The following NIPSNAP2 variants were observed in gnomAD, a reference collection of about 807,000 sequenced individuals.
NIPSNAP2 encodes the protein protein NipSnap homolog 2.
In NIPSNAP2, 42 loss-of-function variants were observed where a neutral mutation model predicts 48.4. That is an observed-to-expected ratio of 0.87 (90% CI 0.68 to 1.12). NIPSNAP2 has a LOEUF of 1.12. Ranked by LOEUF, NIPSNAP2 falls within the 50% of genes most tolerant of loss-of-function variation. The probability of loss-of-function intolerance (pLI) is 0.00; values close to 1 mark genes in which losing one functional copy is unlikely to be tolerated. For synonymous variants in NIPSNAP2, 158 were observed against 126.6 expected, an observed-to-expected ratio of 1.25 and a Z score of -1.67; for missense variants, 314 against 347.3, an observed-to-expected ratio of 0.90 and a Z score of 0.76.
rs1787636927 is a variant in NIPSNAP2 at position 55,999,490 on chromosome 7, A to G, written c.*418A>G. On this transcript the variant is annotated 3_prime_UTR_variant, in exon 10 of 10. Coordinates refer to ENST00000322090, the MANE Select transcript of NIPSNAP2 (RefSeq NM_001483.3). ...TTTAGACAAATTTCTTGTATCAGGA[A>G]GAAATACAAATTTTGTCATGTTTCT... 6.4e-6 allele frequency: 1 copy of G among 157,038 alleles called. No individual in the cohort carries two copies. The highest frequency in any genetic ancestry group is 1.4e-5 in the Non-Finnish European group (1 of 71,160). The allele number at this position is 157,038 out of a possible 1,614,324, so 9.7% of individuals were successfully genotyped here. A position where few individuals can be genotyped will look rare whatever the true frequency, so the allele number is the denominator to read the frequency against.
intron 1 of NIPSNAP2, chr7:55,964,931 G>T: frequency 5.1e-6 from 1 of 197,000 alleles, no homozygotes; most frequent in Admixed American, 6.0e-5. Flanking sequence ...CTCCACCCTC[G>T]CCCGGGAAGG....
intron 1 of NIPSNAP2, among the ~76,000 whole-genome samples, chr7:55,970,346 T>TG (rs1786994760): frequency 2.6e-5 from 4 of 151,214 alleles, no homozygotes; most frequent in Non-Finnish European, 5.9e-5. Flanking sequence ...TCTTGCACTC[T>TG]TGCCCAGGCT....
At chr7:55,964,767 T>C in intron 1 of NIPSNAP2, 66 bp downstream of exon 1, 1 of 848,080 alleles carries the variant, frequency 1.2e-6, no homozygotes. Context: ...GGGCGCGGGT[T>C]TCCCGGCGCC....
intron 6 of NIPSNAP2, 25 bp from the exon 7 acceptor site, chr7:55,984,822 A>T (rs927006179): frequency 5.0e-6 from 8 of 1,603,544 alleles, no homozygotes; most frequent in African/African-American, 1.3e-5. Flanking sequence ...AAGAACTAAC[A>T]AACCAAATCT....
At chr7:55,993,310 T>C (rs1158196497) in intron 7 of NIPSNAP2, among the ~76,000 whole-genome samples, 1 of 147,938 alleles carries the variant, frequency 6.8e-6, no homozygotes, top group Non-Finnish European at 1.5e-5. Flanking sequence ...AAAAAAGGGC[T>C]GTAGGCTGGC....
In NIPSNAP2 at chr7:55,978,187, C is replaced by T. The variant is rs779006143; in HGVS notation, c.154C>T (p.Arg52Trp). 1.7e-5 allele frequency: 28 copies of T among 1,613,924 alleles called. No homozygotes were observed. Among genetic ancestry groups the T allele is most frequent in the Admixed American group, 6.7e-5 (4 of 59,978 alleles). ...CAGCTGGCTAAAATCCTTATTTGTC[C>T]GGAAAGTTGATCCAAGAAAAGATGC... ...EDSWLKSLFVRKVDPRKDAHS... is the reference protein window; with the variant it reads ...EDSWLKSLFVWKVDPRKDAHS... The change falls in exon 2 of 10, where the codon CGG becomes TGG. Residue 52 changes from arginine to tryptophan, a missense_variant. By Grantham distance (101) the Arg-to-Trp change is moderately radical. Around this residue, in one of 2 missense-constraint regions of NIPSNAP2, gnomAD observed 198 missense variants for 185.5 expected, o/e 1.07. Transcript: ENST00000322090.
rs1400684536 is a variant in NIPSNAP2, at chr7:55,996,862, A to G, written c.713-504A>G. Among the ~76,000 whole-genome samples the G allele has an allele frequency of 2.6e-5, 4 of 151,992 alleles. No individual in the cohort carries two copies. The East Asian group carries it at 5.8e-4, about 22-fold the overall frequency. ...GGGCAACATAGTGAGACCCCATCTCAAACAAACAAACAAATAATTTTTTTA... is the reference window on the plus strand; with the variant it reads ...GGGCAACATAGTGAGACCCCATCTCGAACAAACAAACAAATAATTTTTTTA... On this transcript the variant is annotated intron_variant, in intron 8 of 9. Transcript: ENST00000322090.
intron 1 of NIPSNAP2, among the ~76,000 whole-genome samples, chr7:55,970,737 CAT>C (rs1183428699): frequency 6.6e-6 from 1 of 152,162 alleles, no homozygotes; most frequent in African/African-American, 2.4e-5. Flanking sequence ...CCATTCCAGA[CAT>C]ATGCCATTCA....
intron 5 of NIPSNAP2, 95 bp downstream of exon 5, chr7:55,982,375 C>G: frequency 1.3e-6 from 1 of 755,618 alleles, no homozygotes; most frequent in South Asian, 1.7e-5. Flanking sequence ...TGTTAATAAA[C>G]TTCATTTTTT....
In NIPSNAP2 at chr7:55,964,606, C is replaced by A; in HGVS notation, c.-4C>A. 2 of 1,026,112 alleles carry A rather than the reference C, an allele frequency of 1.9e-6. No homozygotes were observed. The highest frequency in any genetic ancestry group is 2.3e-6 in the Non-Finnish European group (2 of 857,738). 63.6% of individuals were successfully genotyped at this position (1,026,112 alleles called of 1,614,324 possible). On this transcript the variant is annotated 5_prime_UTR_variant, in exon 1 of 10. Coordinates refer to ENST00000322090, the MANE Select transcript of NIPSNAP2 (RefSeq NM_001483.3). Reference sequence around the variant, plus strand: ...GGGCGGTGGGAGCCGAGGCGCCGAGCAAGATGGCGGCGCGAGTGCTGCGCG... The same window carrying A: ...GGGCGGTGGGAGCCGAGGCGCCGAGAAAGATGGCGGCGCGAGTGCTGCGCG...
At chr7:55,968,326 T>C (rs1263094727) in intron 1 of NIPSNAP2, among the ~76,000 whole-genome samples, 1 of 152,116 alleles carries the variant, frequency 6.6e-6, no homozygotes, top group Non-Finnish European at 1.5e-5. Flanking sequence ...CATTGTGTTT[T>C]GGAGGTACAT....
At chr7:55,967,929 G>A (rs1367181598) in intron 1 of NIPSNAP2, among the ~76,000 whole-genome samples, 1 of 151,774 alleles carries the variant, frequency 6.6e-6, no homozygotes, top group East Asian at 1.9e-4. Context: ...GCATTACAGG[G>A]ATGAATCACC....
At chr7:55,998,493 GTTTTTTTTTTTTTTT>G (rs1164855630) in intron 9 of NIPSNAP2, among the ~76,000 whole-genome samples, 2 of 63,188 alleles carry the variant, frequency 3.2e-5, no homozygotes, top group Admixed American at 2.2e-4. Context: ...GGTAGGATCT[GTTTTTTTTTTTTTTT>G]TTTTTTTTTT....
intron 1 of NIPSNAP2, chr7:55,964,930 C>A (rs1020837672): frequency 5.0e-6 from 1 of 199,230 alleles, no homozygotes. Context: ...GCTCCACCCT[C>A]GCCCGGGAAG....
intron 7 of NIPSNAP2, among the ~76,000 whole-genome samples, chr7:55,985,739 C>G (rs982152758): frequency 2.8e-5 from 4 of 140,536 alleles, no homozygotes; most frequent in African/African-American, 1.1e-4. Context: ...GAGTGAGACC[C>G]TGTCTCAAAA....
In NIPSNAP2 at chr7:55,994,874, A is replaced by T; in HGVS notation, c.618-20A>T. 1 of 1,607,246 alleles carries T rather than the reference A, an allele frequency of 6.2e-7. No homozygotes were observed. The highest frequency in any genetic ancestry group is 8.5e-7 in the Non-Finnish European group (1 of 1,173,670). On this transcript the variant is annotated intron_variant, in intron 7 of 9. Transcript: ENST00000322090. Reference sequence around the variant, plus strand: ...GTATCTAATTCAGTGTCTTAAACAAACATCATCTCATTCTTACAGGGCTCG... The same window carrying T: ...GTATCTAATTCAGTGTCTTAAACAATCATCATCTCATTCTTACAGGGCTCG...
At chr7:55,984,760 C>G in intron 6 of NIPSNAP2, 87 bp from the exon 7 acceptor site, 3 of 966,922 alleles carry the variant, frequency 3.1e-6, no homozygotes, top group Non-Finnish European at 3.2e-6. Context: ...AGTTTTGTCA[C>G]TTAATGTTTT....
intron 7 of NIPSNAP2, among the ~76,000 whole-genome samples, chr7:55,988,721 C>T (rs900221861): frequency 1.3e-5 from 2 of 151,952 alleles, no homozygotes; most frequent in Non-Finnish European, 2.9e-5. Flanking sequence ...AAAACGTAGC[C>T]GGGCATGTTG....
At chr7:55,967,835 A>G (rs965549901) in intron 1 of NIPSNAP2, among the ~76,000 whole-genome samples, 1 of 151,442 alleles carries the variant, frequency 6.6e-6, no homozygotes, top group Non-Finnish European at 1.5e-5. Context: ...TTTTTAGTAG[A>G]GATGGGGTTT....
Sources: gnomAD v4.1 joint callset for allele counts (sites outside exome capture counted in the v4.1 genomes callset) on GRCh38, gnomAD v4.1.1 for gene constraint, gnomAD v4.1.1 regional missense constraint, MANE v1.5 for transcripts, NCBI Gene and HGNC (gene_info 2026-07-23, HGNC 2026-07-21) for gene names.